Variants in RB1 observed in about 807,000 individuals in gnomAD.
The protein encoded by RB1 is retinoblastoma-associated protein.
In RB1, 18 loss-of-function variants were observed where a neutral mutation model predicts 135.4. The observed-to-expected ratio is 0.13, with a 90% CI of 0.09 to 0.20. RB1 has a LOEUF of 0.20. RB1 is among the 10% of genes least tolerant of loss of function. RB1 has a pLI of 1.00. For synonymous variants in RB1, 365 were observed against 373.2 expected (o/e 0.98, Z 0.25); for missense variants, 868 against 1,110.0 (o/e 0.78, Z 3.10).
At chr13:48,386,584 T>C (rs1212148815) in intron 17 of RB1, among the ~76,000 whole-genome samples, 1 of 152,188 alleles carries the variant, frequency 6.6e-6, no homozygotes, top group Non-Finnish European at 1.5e-5. Flanking sequence ...CTTGGGTATG[T>C]GGTAGATTCT....
In RB1 at chr13:48,381,403, G is replaced by A. The variant is rs146236493; in HGVS notation, c.1655G>A (p.Arg552Gln). The stretch of plus-strand genomic sequence containing the variant: ...AGAGAAATGATAAAACATTTAGAAC[G>A]ATGTGAACATCGAATCATGGAATCC... ...LTREMIKHLE[R>Q]CEHRIMESLA... is the part of the protein sequence containing the mutation. The change falls in exon 17 of 27, where the codon CGA becomes CAA. Residue 552 changes from arginine (R) to glutamine (Q), a missense_variant. Arg to Gln is a conservative substitution (Grantham distance 43). Transcript: ENST00000267163. The A allele has an allele frequency of 3.7e-6, 6 of 1,613,566 alleles. No individual in the cohort carries two copies. The highest frequency in any genetic ancestry group is 2.2e-5 in the East Asian group (1 of 44,722).
At chr13:48,381,821 A>G (rs1332845141) in intron 17 of RB1, among the ~76,000 whole-genome samples, 1 of 152,114 alleles carries the variant, frequency 6.6e-6, no homozygotes, top group East Asian at 1.9e-4. Flanking sequence ...CATTAGATAT[A>G]TCTCCTAATG....
intron 2 of RB1, among the ~76,000 whole-genome samples, chr13:48,329,650 C>A (rs1952316132): frequency 6.6e-6 from 1 of 152,114 alleles, no homozygotes. Context: ...ACTTGGAATT[C>A]TCTTATTCCA....
intron 17 of RB1, among the ~76,000 whole-genome samples, chr13:48,396,151 A>G (rs1046325620): frequency 1.3e-5 from 2 of 152,180 alleles, no homozygotes; most frequent in African/African-American, 2.4e-5. Flanking sequence ...AACTACTTTA[A>G]ATTTTATATA....
chr13:48,350,411 C>T (rs1044354514), intron 6 of RB1, among the ~76,000 whole-genome samples: 1 of 151,952 alleles, frequency 6.6e-6, no homozygotes, highest in African/African-American at 2.4e-5. Flanking sequence ...AAACAATATG[C>T]TCCTGAATGG....
intron 17 of RB1, among the ~76,000 whole-genome samples, chr13:48,409,150 CTTT>C (rs1282281494): frequency 5.3e-5 from 7 of 131,006 alleles, no homozygotes; most frequent in East Asian, 4.4e-4. Context: ...TTTCTTTTCT[CTTT>C]TTTTTTTTTT....
At chr13:48,466,517 G>A (rs894158650) in intron 23 of RB1, among the ~76,000 whole-genome samples, 4 of 151,902 alleles carry the variant, frequency 2.6e-5, no homozygotes, top group Non-Finnish European at 5.9e-5. Context: ...TCCTCCAAAG[G>A]AACACAGTTC....
intron 17 of RB1, chr13:48,412,409 GT>G: frequency 1.2e-6 from 2 of 1,613,456 alleles, no homozygotes; most frequent in Non-Finnish European, 1.7e-6. Flanking sequence ...AGTGGGAGCT[GT>G]TAACGCTTAC....
intron 17 of RB1, among the ~76,000 whole-genome samples, chr13:48,406,098 C>CTGTGTG (rs149013062): frequency 2.7e-5 from 4 of 150,156 alleles, no homozygotes; most frequent in Admixed American, 6.7e-5. Context: ...ATAAATAACT[C>CTGTGTG]TGTGTGTGTG....
chr13:48,423,338 G>A (rs1052301028), intron 17 of RB1, among the ~76,000 whole-genome samples: 4 of 151,972 alleles, frequency 2.6e-5, no homozygotes, highest in South Asian at 2.1e-4. Context: ...GCAGTGGCGC[G>A]ATCTCGGCTC....
chr13:48,477,476 T>C, intron 26 of RB1, 72 bp downstream of exon 26: 1 of 1,216,062 alleles, frequency 8.2e-7, no homozygotes, highest in Non-Finnish European at 1.2e-6. Context: ...TTTCGTTATA[T>C]AAAAGAATGT....
chr13:48,381,107 C>T (rs1394188090), intron 16 of RB1, 140 bp from the exon 17 acceptor site: 1 of 1,195,602 alleles, frequency 8.4e-7, no homozygotes, highest in Non-Finnish European at 1.1e-6. Context: ...AGTCCGTAGA[C>T]TCCAAAATAA....
chr13:48,477,243 C>T, intron 25 of RB1, 112 bp from the exon 26 acceptor site: 4 of 736,360 alleles, frequency 5.4e-6, no homozygotes, highest in Non-Finnish European at 9.2e-6. Flanking sequence ...TTAAAAGCTA[C>T]TCACTAAAAT....
chr13:48,407,065 C>A (rs1948746638), intron 17 of RB1, among the ~76,000 whole-genome samples: 1 of 152,304 alleles, frequency 6.6e-6, no homozygotes, highest in Admixed American at 6.5e-5. Context: ...GTTCCAGAAG[C>A]CATTTTGATA....
intron 16 of RB1, among the ~76,000 whole-genome samples, chr13:48,380,748 A>G (rs1475584578): frequency 3.3e-5 from 5 of 152,218 alleles, no homozygotes; most frequent in Non-Finnish European, 7.3e-5. Flanking sequence ...CAAAAGGAAC[A>G]TTTGTATAAG....
intron 7 of RB1, among the ~76,000 whole-genome samples, chr13:48,361,862 T>A (rs1952643837): frequency 6.6e-6 from 1 of 152,110 alleles, no homozygotes; most frequent in Non-Finnish European, 1.5e-5. Flanking sequence ...GTTTAACATG[T>A]TCTTCTGTCC....
chr13:48,381,205 G>T (rs2138144660), intron 16 of RB1, 42 bp from the exon 17 acceptor site: 1 of 1,554,220 alleles, frequency 6.4e-7, no homozygotes. Flanking sequence ...TAGCTCAAGG[G>T]TTAATATTTC....
chr13:48,347,773 G>T lies in RB1; in HGVS notation c.501-52G>T. 3 of 1,272,362 alleles carry T rather than the reference G, an allele frequency of 2.4e-6. No individual in the cohort carries two copies. The South Asian group carries it at 3.8e-5, about 16-fold the overall frequency. 78.8% of individuals were successfully genotyped at this position (1,272,362 alleles called of 1,614,324 possible). A position where few individuals can be genotyped will look rare whatever the true frequency, so the allele number is the denominator to read the frequency against. On this transcript the variant is annotated intron_variant, in intron 4 of 26. Transcript: ENST00000267163. ...AAATAAAGCATGAGAAAACTACTAT[G>T]ACTTCTAAATTACGAAAAAATGTTA...
chr13:48,471,889 C>T (rs561092656), intron 23 of RB1, among the ~76,000 whole-genome samples: 17 of 152,286 alleles, frequency 1.1e-4, no homozygotes, highest in South Asian at 4.1e-4. Context: ...ATCCTGCTGG[C>T]GGCCTCTTTA....
Sources: allele counts gnomAD v4.1 joint callset (sites outside exome capture counted in the v4.1 genomes callset), GRCh38; gene constraint gnomAD v4.1.1; transcripts MANE v1.5; gene names NCBI Gene and HGNC (gene_info 2026-07-23, HGNC 2026-07-21).